Variants in IQCE observed in about 807,000 individuals in gnomAD.
The protein encoded by IQCE is IQ motif containing E.
In IQCE, 115 loss-of-function variants were observed where a neutral mutation model predicts 96.0. The ratio of observed to expected loss-of-function variants is 1.20; its 90% CI spans 1.03 to 1.40. The LOEUF is 1.40. IQCE is among the 40% of genes most tolerant of loss of function. The pLI, the probability that IQCE is intolerant of heterozygous loss-of-function variation, is 0.00. For missense variants in IQCE, 1,041 were observed against 909.1 expected (o/e 1.15, Z -1.87); for synonymous variants, 412 against 371.2 (o/e 1.11, Z -1.26).
Position 2,603,217 on chromosome 7 carries a change from T to TGCCCAGGCTCCCGGTCCCCACAGCCC in IQCE, c.1633-1661_1633-1636dup, listed in dbSNP as rs1256049462. ...TCCCACCTGTCCACCCACCACAGCC[T>TGCCCAGGCTCCCGGTCCCCACAGCCC]GCCCAGGCTCCCGGTCCCCACAGCC... On this transcript the variant is annotated intron_variant, in intron 18 of 21. Transcript: ENST00000402050. 3.3e-5 allele frequency among the ~76,000 whole-genome samples: 5 copies of TGCCCAGGCTCCCGGTCCCCACAGCCC among 152,286 alleles called. No homozygotes were observed. The East Asian group carries it at 9.6e-4, about 29-fold the overall frequency.
chr7:2,610,128 C>G lies in IQCE; in HGVS notation c.2054C>G (p.Ala685Gly). ...NSDDSDDIVI[A>G]PSLPTKNFPV ...GATGATTCCGACGATATTGTCATTG[C>G]ACCGTCTCTGCCCACGAAGAACTTT... The change falls in exon 22 of 22, where the codon GCA (alanine) becomes GGA (glycine). Residue 685 changes from alanine (A) to glycine (G), a missense_variant. Coordinates refer to ENST00000402050, the MANE Select transcript of IQCE (RefSeq NM_152558.5). 6.2e-7 allele frequency: 1 copy of G among 1,612,362 alleles called. No individual in the cohort carries two copies. The highest frequency in any genetic ancestry group is 1.1e-5 in the South Asian group (1 of 91,064).
At position 2,578,293 on chromosome 7, in the gene IQCE, C is replaced by T. The variant is rs2128444886; in HGVS notation, c.517C>T (p.Arg173Cys). The change falls in exon 7 of 22, where the codon CGC becomes TGC. Residue 173 changes from arginine to cysteine, a missense_variant. Arg to Cys is a radical substitution (Grantham distance 180). Coordinates refer to ENST00000402050, the MANE Select transcript of IQCE (RefSeq NM_152558.5). The stretch of plus-strand genomic sequence containing the variant: ...GGACCTGATGAGAACGAAGCTCCGG[C>T]GCCTGGAGGAGGAAAACAGCAGGAA... ...DVDLMRTKLR[R>C]LEEENSRKDR... 6.2e-7 allele frequency: 1 copy of T among 1,613,842 alleles called. No homozygotes were observed. The highest frequency in any genetic ancestry group is 2.2e-5 in the East Asian group (1 of 44,872).
chr7:2,584,145 CA>C lies in IQCE; in HGVS notation c.775-90del, dbSNP rs907760733. The C allele has an allele frequency of 7.5e-5, 84 of 1,115,910 alleles. No individual in the cohort carries two copies. In the African/African-American group the frequency reaches 1.0e-3, roughly 14 times the overall value. The allele number at this position is 1,115,910 out of a possible 1,614,324, so 69.1% of individuals were successfully genotyped here. A position where few individuals can be genotyped will look rare whatever the true frequency, so the allele number is the denominator to read the frequency against. On this transcript the variant is annotated intron_variant, in intron 10 of 21. Coordinates refer to ENST00000402050, the MANE Select transcript of IQCE (RefSeq NM_152558.5). ...CTTAGTTCCCGCTTCTGGCCGTAGG[CA>C]GCGGTCAGGACTGTGATGTTGGTCT... is the stretch of plus-strand genomic sequence containing the variant.
At chr7:2,585,709 C>T (rs1234394751) in intron 11 of IQCE, among the ~76,000 whole-genome samples, 2 of 152,260 alleles carry the variant, frequency 1.3e-5, no homozygotes, top group African/African-American at 2.4e-5. Flanking sequence ...GCGCCAGCGA[C>T]TGGCATTTTT....
intron 1 of IQCE, among the ~76,000 whole-genome samples, chr7:2,564,815 T>C (rs557923004): frequency 4.3e-4 from 66 of 152,304 alleles, no homozygotes; most frequent in Non-Finnish European, 6.9e-4. Flanking sequence ...AGGTTTTTAG[T>C]GTCTGCTGAT....
intron 1 of IQCE, among the ~76,000 whole-genome samples, chr7:2,563,378 TGTGTG>T (rs1562615846): frequency 2.7e-4 from 27 of 100,388 alleles, no homozygotes; most frequent in African/African-American, 8.7e-4. Context: ...TTTTTTGTTG[TGTGTG>T]TGTGTGTGTG....
intron 15 of IQCE, among the ~76,000 whole-genome samples, chr7:2,593,656 T>C (rs1783792570): frequency 6.6e-6 from 1 of 152,208 alleles, no homozygotes; most frequent in South Asian, 2.1e-4. Flanking sequence ...TAGCACACGA[T>C]TCCTTGCGCA....
chr7:2,586,938 G>A (rs1489135059), intron 12 of IQCE, among the ~76,000 whole-genome samples: 3 of 152,198 alleles, frequency 2.0e-5, no homozygotes, highest in South Asian at 2.1e-4. Context: ...GAGGGGGGCC[G>A]TGCTGCTTCC....
intron 3 of IQCE, among the ~76,000 whole-genome samples, chr7:2,571,194 T>G (rs141829630): frequency 4.6e-5 from 7 of 152,018 alleles, no homozygotes; most frequent in African/African-American, 1.7e-4. Flanking sequence ...AATTTTTAGA[T>G]TTTTTATAGA....
At chr7:2,572,879 T>G (rs1781862450) in intron 5 of IQCE, 1 of 379,842 alleles carries the variant, frequency 2.6e-6, no homozygotes, top group Non-Finnish European at 5.1e-6. Context: ...CCTATCCTCC[T>G]TAAGGAAGAA....
intron 6 of IQCE, among the ~76,000 whole-genome samples, chr7:2,576,221 G>A (rs989793160): frequency 6.6e-6 from 1 of 152,178 alleles, no homozygotes; most frequent in Non-Finnish European, 1.5e-5. Flanking sequence ...GGAGAAGGCC[G>A]TGTATGAGGA....
chr7:2,599,345 A>C (rs1041510235), intron 17 of IQCE, among the ~76,000 whole-genome samples: 4 of 151,542 alleles, frequency 2.6e-5, no homozygotes, highest in Non-Finnish European at 5.9e-5. Flanking sequence ...ACAGGTGCTC[A>C]CCACCACGCC....
rs115118159 is a variant in IQCE, at chr7:2,588,242, C to A, written c.1044+365C>A. Among the ~76,000 whole-genome samples the A allele has an allele frequency of 2.3e-3, 357 of 152,320 alleles. 1 individual carries two copies. Among genetic ancestry groups the A allele is most frequent in the African/African-American group, 8.1e-3 (336 of 41,558 alleles). ...AGGAAATTGTTGACCCAACTCCTGG[C>A]CAGGCAGAAATGTCGGGAAATGAAC... is the stretch of plus-strand genomic sequence containing the variant. On this transcript the variant is annotated intron_variant, in intron 13 of 21. Coordinates refer to ENST00000402050, the MANE Select transcript of IQCE (RefSeq NM_152558.5).
At chr7:2,596,314 G>GGA (rs140066878) in intron 16 of IQCE, among the ~76,000 whole-genome samples, 3,627 of 148,058 alleles carry the variant, frequency 0.024, 89 homozygotes, top group African/African-American at 0.067. Flanking sequence ...TGAAAATAGA[G>GGA]GAGAGAGAGA....
intron 11 of IQCE, among the ~76,000 whole-genome samples, chr7:2,585,562 A>G (rs1479373586): frequency 6.6e-6 from 1 of 152,272 alleles, no homozygotes; most frequent in Non-Finnish European, 1.5e-5. Flanking sequence ...CAGCCCACGC[A>G]AGGCAGCGTC....
intron 17 of IQCE, among the ~76,000 whole-genome samples, chr7:2,601,073 C>A (rs1361061177): frequency 6.6e-6 from 1 of 152,182 alleles, no homozygotes; most frequent in Non-Finnish European, 1.5e-5. Context: ...GGTCCGGACA[C>A]CTGTGCTGTG....
At chr7:2,566,136 C>T (rs1443696996) in intron 1 of IQCE, among the ~76,000 whole-genome samples, 2 of 152,196 alleles carry the variant, frequency 1.3e-5, no homozygotes, top group Non-Finnish European at 2.9e-5. Flanking sequence ...GAACTATTGG[C>T]TCATAATGGG....
At chr7:2,567,062 G>A in intron 1 of IQCE, 54 bp from the exon 2 acceptor site, 2 of 1,505,648 alleles carry the variant, frequency 1.3e-6, no homozygotes, top group South Asian at 1.1e-5. Flanking sequence ...AAACGTGATG[G>A]TCGGAAGCCC....
chr7:2,603,755 G>A (rs1273202210), intron 18 of IQCE, among the ~76,000 whole-genome samples: 1 of 152,056 alleles, frequency 6.6e-6, no homozygotes, highest in African/African-American at 2.4e-5. Context: ...CCTTTGCTGA[G>A]CTCTTTTCCC....
Sources: gnomAD v4.1 joint callset for allele counts (sites outside exome capture counted in the v4.1 genomes callset) on GRCh38, gnomAD v4.1.1 for gene constraint, MANE v1.5 for transcripts, NCBI Gene and HGNC (gene_info 2026-07-23, HGNC 2026-07-21) for gene names.